DAPK1: variants seen among roughly 807,000 people sequenced by gnomAD.
DAPK1 encodes death associated protein kinase 1.
Under a neutral mutation model 144.9 loss-of-function variants are expected in DAPK1, and 56 were observed. That is an observed-to-expected ratio of 0.39 (90% CI 0.31 to 0.48). The LOEUF (loss-of-function observed/expected upper bound fraction) is 0.48. Ranked by LOEUF, DAPK1 falls within the 20% of genes least tolerant of loss-of-function variation. The pLI is 0.95. For synonymous variants in DAPK1, 690 were observed against 749.0 expected (o/e 0.92, Z 1.29); for missense variants, 1,454 against 1,875.4 (o/e 0.78, Z 4.15).
intron 23 of DAPK1, 57 bp downstream of exon 23, chr9:87,698,851 G>T: frequency 9.2e-7 from 1 of 1,083,426 alleles, no homozygotes; most frequent in Non-Finnish European, 1.4e-6. Context: ...CCTGAGAACT[G>T]AAGCAGAGGT....
At chr9:87,660,877 C>T (rs191197667) in intron 18 of DAPK1, among the ~76,000 whole-genome samples, 2 of 152,246 alleles carry the variant, frequency 1.3e-5, no homozygotes, top group Admixed American at 6.5e-5. Context: ...GACAGAGTCT[C>T]GCTCTTCGCC....
intron 3 of DAPK1, among the ~76,000 whole-genome samples, chr9:87,622,217 G>C (rs1285274463): frequency 6.6e-6 from 1 of 151,930 alleles, no homozygotes; most frequent in Non-Finnish European, 1.5e-5. Flanking sequence ...CCTATCCCCT[G>C]TGGAAACAAA....
chr9:87,593,198 C>A (rs1239076301), intron 2 of DAPK1, among the ~76,000 whole-genome samples: 1 of 152,196 alleles, frequency 6.6e-6, no homozygotes, highest in Admixed American at 6.5e-5. Flanking sequence ...GGCCACCCAA[C>A]TGCACTAAAT....
chr9:87,606,881 G>T (rs1828749412), intron 3 of DAPK1, among the ~76,000 whole-genome samples: 1 of 148,508 alleles, frequency 6.7e-6, no homozygotes. Flanking sequence ...TGACATTTTG[G>T]GCTGAATCAC....
At chr9:87,514,728 A>G (rs527449115) in intron 2 of DAPK1, among the ~76,000 whole-genome samples, 2 of 152,358 alleles carry the variant, frequency 1.3e-5, no homozygotes, top group East Asian at 3.9e-4. Flanking sequence ...ATTAAGTTGG[A>G]GAGAAAAAGC....
At chr9:87,598,709 C>T (rs951976678) in intron 2 of DAPK1, among the ~76,000 whole-genome samples, 1 of 152,144 alleles carries the variant, frequency 6.6e-6, no homozygotes. Context: ...TGAACAGAGC[C>T]TCCCACAAAT....
Position 87,642,063 on chromosome 9 carries a change from G to A in DAPK1, c.918+5G>A, listed in dbSNP as rs768179901. 1.2e-6 allele frequency: 2 copies of A among 1,613,386 alleles called. No homozygotes were observed. ...GCAGCCCGGAAAAAATGGAAAGTAA[G>A]ATTGTTTGTTGTGGAGGGATTAACA... On this transcript the variant is annotated splice_donor_5th_base_variant and intron_variant, in intron 10 of 25. Coordinates refer to ENST00000408954, the MANE Select transcript of DAPK1 (RefSeq NM_004938.4).
At position 87,649,959 on chromosome 9, in the gene DAPK1, C is replaced by G. The variant is rs1313574390; in HGVS notation, c.1467C>G (p.Gly489=). The G allele has an allele frequency of 6.2e-7, 1 of 1,614,082 alleles. No homozygotes were observed. Among genetic ancestry groups the G allele is most frequent in the Non-Finnish European group, 8.5e-7 (1 of 1,180,048 alleles). ...CCCTGCACTGTGCTGCTTGGCACGG[C>G]TATTACTCTGTGGCCAAAGCCCTTT... ...ETPLHCAAWH[G]YYSVAKALCE... Residue 489 remains glycine, a synonymous_variant, in exon 16 of 26, where the codon GGC becomes GGG. Transcript: ENST00000408954.
chr9:87,603,963 A>G (rs1054005507), intron 2 of DAPK1, among the ~76,000 whole-genome samples: 3 of 152,214 alleles, frequency 2.0e-5, no homozygotes, highest in African/African-American at 7.2e-5. Context: ...AAAACCCATC[A>G]AACTGACTTG....
intron 21 of DAPK1, among the ~76,000 whole-genome samples, chr9:87,694,642 G>A (rs902835613): frequency 6.6e-6 from 1 of 152,144 alleles, no homozygotes; most frequent in Non-Finnish European, 1.5e-5. Flanking sequence ...CTGTCCTTGG[G>A]GCAGATGAAA....
In DAPK1 at chr9:87,641,085, C is replaced by G. The variant is rs1437089889; in HGVS notation, c.828+238C>G. The stretch of plus-strand genomic sequence containing the variant: ...GGAACTGAAGAAGGTCAAGCCCACT[C>G]GACAACTGTGTTTGGAGTGACCTGT... On this transcript the variant is annotated intron_variant, in intron 9 of 25. Coordinates refer to ENST00000408954, the MANE Select transcript of DAPK1 (RefSeq NM_004938.4). Among the ~76,000 whole-genome samples, 5 of 152,146 alleles carry G rather than the reference C, an allele frequency of 3.3e-5. No individual in the cohort carries two copies. In the East Asian group the frequency reaches 9.7e-4, roughly 29 times the overall value.
At chr9:87,525,612 C>G in intron 2 of DAPK1, 1 of 660,684 alleles carries the variant, frequency 1.5e-6, no homozygotes, top group South Asian at 1.8e-5. Context: ...TGTCAGTTTC[C>G]AAAAAGAACC....
intron 2 of DAPK1, among the ~76,000 whole-genome samples, chr9:87,517,017 A>G (rs774471272): frequency 1.3e-5 from 2 of 152,090 alleles, no homozygotes; most frequent in Non-Finnish European, 2.9e-5. Context: ...CAGGGAAGAA[A>G]CATCACAACC....
intron 3 of DAPK1, among the ~76,000 whole-genome samples, chr9:87,625,933 G>A (rs73481324): frequency 0.043 from 6,620 of 152,214 alleles, 492 homozygotes; most frequent in African/African-American, 0.15. Flanking sequence ...GTACCCATCA[G>A]TCAATTAAAG....
Position 87,589,878 on chromosome 9 carries a change from C to A in DAPK1, c.63-15076C>A, listed in dbSNP as rs1228016677. ...GAGCCTGCACTCCACTCACCAAAAT[C>A]TACCATATGGTGATTCACATTTCAT... On this transcript the variant is annotated intron_variant, in intron 2 of 25. Transcript: ENST00000408954. 2.0e-5 allele frequency among the ~76,000 whole-genome samples: 3 copies of A among 152,178 alleles called. No homozygotes were observed. In the East Asian group the frequency reaches 5.8e-4, roughly 29 times the overall value.
chr9:87,572,897 G>A (rs1197366844), intron 2 of DAPK1, among the ~76,000 whole-genome samples: 3 of 152,202 alleles, frequency 2.0e-5, no homozygotes, highest in Non-Finnish European at 4.4e-5. Flanking sequence ...AGCCCATGCT[G>A]CGGCCCACAG....
chr9:87,689,423 T>G (rs564754956), intron 21 of DAPK1, among the ~76,000 whole-genome samples: 1 of 152,328 alleles, frequency 6.6e-6, no homozygotes, highest in South Asian at 2.1e-4. Flanking sequence ...ATTAATCCCT[T>G]GTCACATAAA....
intron 2 of DAPK1, among the ~76,000 whole-genome samples, chr9:87,559,037 A>C (rs1826814119): frequency 6.6e-6 from 1 of 152,156 alleles, no homozygotes; most frequent in African/African-American, 2.4e-5. Flanking sequence ...GTGTGTGCAC[A>C]TGCATGCACC....
chr9:87,651,430 C>A, intron 16 of DAPK1, 97 bp from the exon 17 acceptor site: 1 of 1,187,014 alleles, frequency 8.4e-7, no homozygotes, highest in Non-Finnish European at 1.2e-6. Flanking sequence ...GATCTTGTTG[C>A]CAATTAAACC....
Sources: allele counts gnomAD v4.1 joint callset (sites outside exome capture counted in the v4.1 genomes callset), GRCh38; gene constraint gnomAD v4.1.1; transcripts MANE v1.5; gene names NCBI Gene and HGNC (gene_info 2026-07-23, HGNC 2026-07-21).